Variants in OTOGL observed in about 807,000 individuals in gnomAD.
OTOGL encodes otogelin-like protein.
In OTOGL, 285 loss-of-function variants were observed where a neutral mutation model predicts 318.5. The ratio of observed to expected loss-of-function variants is 0.89; its 90% confidence interval spans 0.81 to 0.99. The LOEUF is 0.99. Among genes scored for constraint, OTOGL ranks in the 50% least tolerant of loss-of-function variants. The pLI is 0.00. For synonymous variants in OTOGL, 987 were observed against 936.5 expected, an observed-to-expected ratio of 1.05 and a Z score of -0.99; for missense variants, 2,899 against 2,845.6, an observed-to-expected ratio of 1.02 and a Z score of -0.43.
chr12:80,356,657 C>A (rs919052722), intron 48 of OTOGL, 137 bp downstream of exon 48: 5 of 715,414 alleles, frequency 7.0e-6, no homozygotes, highest in Non-Finnish European at 1.1e-5. Flanking sequence ...ATTTTTTAAA[C>A]CTGGTATATA....
At chr12:80,331,649 A>T (rs1476165028) in intron 37 of OTOGL, among the ~76,000 whole-genome samples, 1 of 152,006 alleles carries the variant, frequency 6.6e-6, no homozygotes, top group African/African-American at 2.4e-5. Context: ...CAGAAATATT[A>T]AAAGTTTTTA....
At chr12:80,124,269 T>A (rs1212568096) in intron 1 of OTOGL, among the ~76,000 whole-genome samples, 1 of 152,226 alleles carries the variant, frequency 6.6e-6, no homozygotes, top group African/African-American at 2.4e-5. Flanking sequence ...TAGCCAGTTT[T>A]CCCAGCACCA....
chr12:80,268,151 T>A (rs1883140397), intron 22 of OTOGL, among the ~76,000 whole-genome samples: 1 of 152,120 alleles, frequency 6.6e-6, no homozygotes. Flanking sequence ...TACTTACATA[T>A]AATTCCTAAC....
chr12:80,136,175 A>C (rs1004573580), intron 1 of OTOGL, among the ~76,000 whole-genome samples: 2 of 151,982 alleles, frequency 1.3e-5, no homozygotes, highest in African/African-American at 4.8e-5. Context: ...TGTACTCACT[A>C]TCTTCAATTT....
chr12:80,359,053 G>A (rs777998946), intron 52 of OTOGL, among the ~76,000 whole-genome samples, 153 bp downstream of exon 52: 6 of 152,094 alleles, frequency 3.9e-5, no homozygotes, highest in Admixed American at 6.5e-5. Flanking sequence ...TCTGATATTA[G>A]GAAATAGTCA....
At chr12:80,131,219 A>C (rs1312572761) in intron 1 of OTOGL, 1 of 152,226 alleles carries the variant, frequency 6.6e-6, no homozygotes, top group African/African-American at 2.4e-5. Context: ...TTGAATTCAA[A>C]GTCCTACCCA....
intron 7 of OTOGL, among the ~76,000 whole-genome samples, chr12:80,227,605 A>G (rs1878980802): frequency 6.6e-6 from 1 of 152,162 alleles, no homozygotes; most frequent in African/African-American, 2.4e-5. Flanking sequence ...AAACCCCCAA[A>G]TATTAGGATC....
At chr12:80,178,233 G>T (rs1333535690) in intron 1 of OTOGL, among the ~76,000 whole-genome samples, 2 of 151,246 alleles carry the variant, frequency 1.3e-5, no homozygotes, top group Non-Finnish European at 2.9e-5. Context: ...GCTAATTTTT[G>T]TATTTTTAGT....
chr12:80,255,044 A>G lies in OTOGL; in HGVS notation c.1446A>G (p.Gln482=), dbSNP rs1275736598. 2.1e-6 allele frequency: 3 copies of G among 1,457,394 alleles called. No homozygotes were observed. Among genetic ancestry groups the G allele is most frequent in the Non-Finnish European group, 2.7e-6 (3 of 1,109,234 alleles). 90.3% of individuals were successfully genotyped at this position (1,457,394 alleles called of 1,614,324 possible). The change falls in exon 16 of 59, where the codon CAA becomes CAG. Residue 482 remains glutamine, a synonymous_variant. Transcript: ENST00000547103. ...TTTTCTTTTTTTTTTTGGCAGTTCAATGCTCAGTTGTAGGTGATTCTCACT... is the reference window on the plus strand; with the variant it reads ...TTTTCTTTTTTTTTTTGGCAGTTCAGTGCTCAGTTGTAGGTGATTCTCACT... ...WNCTEQDCPV[Q]CSVVGDSHFT... is the part of the protein sequence containing the mutation.
chr12:80,278,136 T>A (rs1487672068), intron 24 of OTOGL, 32 bp from the exon 25 acceptor site: 6 of 1,470,196 alleles, frequency 4.1e-6, no homozygotes. Context: ...CTGTAGTTCA[T>A]ACTAAATAGC....
At chr12:80,303,122 A>G (rs1885876921) in intron 28 of OTOGL, among the ~76,000 whole-genome samples, 2 of 152,168 alleles carry the variant, frequency 1.3e-5, no homozygotes, top group African/African-American at 4.8e-5. Context: ...CATTCTGGAT[A>G]TATATATTTT....
intron 42 of OTOGL, among the ~76,000 whole-genome samples, chr12:80,338,031 C>T (rs1010418020): frequency 1.3e-5 from 2 of 152,012 alleles, no homozygotes; most frequent in African/African-American, 4.8e-5. Context: ...TGATCATTCA[C>T]TGGTCAGGCA....
At chr12:80,218,795 C>CTTTTT (rs34204072) in intron 5 of OTOGL, among the ~76,000 whole-genome samples, 179 of 118,206 alleles carry the variant, frequency 1.5e-3, no homozygotes, top group Middle Eastern at 4.7e-3. Context: ...CTTTTTCTTT[C>CTTTTT]TTTTTTTTTT....
At chr12:80,331,529 G>A (rs1377661284) in intron 37 of OTOGL, among the ~76,000 whole-genome samples, 1 of 151,498 alleles carries the variant, frequency 6.6e-6, no homozygotes, top group African/African-American at 2.4e-5. Context: ...TAGTAGAGGC[G>A]GGGTTTCGCC....
chr12:80,141,409 T>C (rs572928625), intron 1 of OTOGL, among the ~76,000 whole-genome samples: 8 of 152,304 alleles, frequency 5.3e-5, no homozygotes, highest in African/African-American at 1.9e-4. Context: ...TTTTTAGGTA[T>C]GGAATATAGA....
Position 80,235,230 on chromosome 12 carries a change from C to T in OTOGL, c.817+2133C>T, listed in dbSNP as rs181788414. Among the ~76,000 whole-genome samples the T allele has an allele frequency of 1.1e-4, 16 of 151,698 alleles. No homozygotes were observed. The East Asian group carries it at 1.2e-3, about 11-fold the overall frequency. ...CTGTAATCCCAGCACTTTGGAAGGCCGAGGCAGGTGGATCACCTGAGGTCA... is the reference window on the plus strand; with the variant it reads ...CTGTAATCCCAGCACTTTGGAAGGCTGAGGCAGGTGGATCACCTGAGGTCA... On this transcript the variant is annotated intron_variant, in intron 9 of 58. Transcript: ENST00000547103.
intron 1 of OTOGL, among the ~76,000 whole-genome samples, chr12:80,127,895 TC>T (rs1870960396): frequency 6.6e-6 from 1 of 152,220 alleles, no homozygotes; most frequent in South Asian, 2.1e-4. Context: ...CTCCATCAGG[TC>T]CTTTAAGGAC....
In OTOGL at chr12:80,368,586, C is replaced by T. The variant is rs187499935; in HGVS notation, c.6615+277C>T. On this transcript the variant is annotated intron_variant, in intron 55 of 58. Transcript: ENST00000547103. ...GAAATAGGCTTTGGGAAATGCTGATCGTGAAAGAAAGGAACAATTAATATT... is the reference window on the plus strand; with the variant it reads ...GAAATAGGCTTTGGGAAATGCTGATTGTGAAAGAAAGGAACAATTAATATT... Among the ~76,000 whole-genome samples the T allele has an allele frequency of 3.4e-3, 510 of 152,050 alleles. 2 individuals are homozygous for T. The highest frequency in any genetic ancestry group is 0.012 in the African/African-American group (487 of 41,496).
intron 23 of OTOGL, 81 bp downstream of exon 23, chr12:80,270,235 C>A: frequency 8.6e-7 from 1 of 1,160,912 alleles, no homozygotes; most frequent in Non-Finnish European, 1.3e-6. Context: ...CATCAATCAC[C>A]TCTTCTTCCC....
Sources: gnomAD v4.1 joint callset for allele counts (sites outside exome capture counted in the v4.1 genomes callset) on GRCh38, gnomAD v4.1.1 for gene constraint, MANE v1.5 for transcripts, NCBI Gene and HGNC (gene_info 2026-07-23, HGNC 2026-07-21) for gene names.